LRMDA: variants seen among roughly 807,000 people sequenced by gnomAD.
The protein encoded by LRMDA is leucine-rich melanocyte differentiation-associated protein.
Under a neutral mutation model 29.8 loss-of-function variants are expected in LRMDA, and 18 were observed. That is an observed-to-expected ratio of 0.60 (90% CI 0.42 to 0.90). The LOEUF is 0.90. Ranked by LOEUF, LRMDA falls within the 40% of genes least tolerant of loss-of-function variation. The pLI is 0.00. For synonymous variants in LRMDA, 125 were observed against 109.4 expected (o/e 1.14, Z -0.89); for missense variants, 273 against 273.9 (o/e 1.00, Z 0.02).
rs573206441 is a variant in LRMDA, at chr10:75,886,559, G to T, written c.132-149449G>T. Among the ~76,000 whole-genome samples, 26 of 152,244 alleles carry T rather than the reference G, an allele frequency of 1.7e-4. 1 individual carries two copies. The South Asian group carries it at 5.4e-3, about 32-fold the overall frequency. On this transcript the variant is annotated intron_variant, in intron 2 of 6. Coordinates refer to ENST00000611255, the MANE Select transcript of LRMDA (RefSeq NM_001305581.2). ...ATAATCACATATTTTCTATGTTGTT[G>T]ATTTGAGAAGGACTGAACTAGCTAC... is the stretch of plus-strand genomic sequence containing the variant.
intron 6 of LRMDA, among the ~76,000 whole-genome samples, chr10:76,526,459 T>C (rs541618185): frequency 1.3e-5 from 2 of 152,260 alleles, no homozygotes; most frequent in East Asian, 3.9e-4. Flanking sequence ...GGCATTCGCT[T>C]TTCATTTGTG....
intron 5 of LRMDA, among the ~76,000 whole-genome samples, chr10:76,230,328 G>A (rs1330144761): frequency 6.6e-6 from 1 of 152,062 alleles, no homozygotes; most frequent in Non-Finnish European, 1.5e-5. Flanking sequence ...CTTCATATCT[G>A]AAATAATTGT....
chr10:76,485,018 T>C (rs1422997228), intron 6 of LRMDA, among the ~76,000 whole-genome samples: 1 of 151,906 alleles, frequency 6.6e-6, no homozygotes, highest in Non-Finnish European at 1.5e-5. Context: ...TCAACCTGTT[T>C]CTGTATTTAT....
chr10:76,402,366 T>G (rs1841858347), intron 6 of LRMDA: 1 of 152,182 alleles, frequency 6.6e-6, no homozygotes, highest in African/African-American at 2.4e-5. Context: ...ATTGTTCTTT[T>G]TTTAGAATTA....
intron 6 of LRMDA, among the ~76,000 whole-genome samples, chr10:76,459,436 T>C (rs1207163810): frequency 1.3e-5 from 2 of 152,328 alleles, no homozygotes; most frequent in South Asian, 2.1e-4. Flanking sequence ...CAATCCAAAA[T>C]AGACGCACAG....
chr10:75,897,758 C>A (rs1044243019), intron 2 of LRMDA, among the ~76,000 whole-genome samples: 1 of 147,822 alleles, frequency 6.8e-6, no homozygotes, highest in African/African-American at 2.5e-5. Flanking sequence ...AAAACCTCTT[C>A]TTGGCTTATA....
chr10:76,060,303 A>G (rs1238977133), intron 5 of LRMDA, among the ~76,000 whole-genome samples: 2 of 152,142 alleles, frequency 1.3e-5, no homozygotes, highest in East Asian at 3.8e-4. Flanking sequence ...GCAGCTCTAC[A>G]TTGTCACACA....
At chr10:76,261,150 C>G (rs1021927064) in intron 5 of LRMDA, among the ~76,000 whole-genome samples, 5 of 150,050 alleles carry the variant, frequency 3.3e-5, no homozygotes, top group Non-Finnish European at 7.4e-5. Flanking sequence ...CTGCAAACTC[C>G]ACCTCCTGGG....
intron 6 of LRMDA, among the ~76,000 whole-genome samples, chr10:76,436,908 G>A (rs76963644): frequency 0.027 from 4,046 of 152,062 alleles, 122 homozygotes; most frequent in East Asian, 0.072. Flanking sequence ...AGCCAGTGTC[G>A]CCCACCTTCC....
chr10:76,184,775 A>G (rs906474435), intron 5 of LRMDA, among the ~76,000 whole-genome samples: 1 of 152,136 alleles, frequency 6.6e-6, no homozygotes, highest in African/African-American at 2.4e-5. Flanking sequence ...CTTTTCCCCC[A>G]GTACGTGTAT....
At chr10:76,514,727 C>A (rs1037496738) in intron 6 of LRMDA, among the ~76,000 whole-genome samples, 5 of 152,034 alleles carry the variant, frequency 3.3e-5, no homozygotes, top group East Asian at 1.9e-4. Context: ...AGGAGTGCAG[C>A]CTGAAAACTG....
chr10:75,785,982 G>A (rs1843465582), intron 2 of LRMDA, among the ~76,000 whole-genome samples: 1 of 152,162 alleles, frequency 6.6e-6, no homozygotes, highest in African/African-American at 2.4e-5. Context: ...CACATAATGA[G>A]TAGAATTCAC....
At chr10:76,274,640 G>A (rs1840108720) in intron 5 of LRMDA, among the ~76,000 whole-genome samples, 1 of 152,142 alleles carries the variant, frequency 6.6e-6, no homozygotes, top group Non-Finnish European at 1.5e-5. Context: ...TCTTGTGAGA[G>A]CTGCTTTGCT....
At chr10:75,965,006 T>G (rs1846832997) in intron 2 of LRMDA, among the ~76,000 whole-genome samples, 2 of 152,154 alleles carry the variant, frequency 1.3e-5, no homozygotes, top group African/African-American at 4.8e-5. Context: ...TCTCAAGTGA[T>G]CCACTCAACT....
intron 2 of LRMDA, among the ~76,000 whole-genome samples, chr10:75,910,423 G>A (rs934853082): frequency 1.3e-4 from 20 of 152,326 alleles, no homozygotes; most frequent in African/African-American, 4.8e-4. Flanking sequence ...GGGAAAAATA[G>A]TGGTAGGACA....
intron 2 of LRMDA, among the ~76,000 whole-genome samples, chr10:75,922,383 G>A (rs534782540): frequency 6.6e-5 from 10 of 152,276 alleles, no homozygotes; most frequent in African/African-American, 2.4e-4. Flanking sequence ...TGGACCATGG[G>A]CATAAAGGAA....
intron 5 of LRMDA, among the ~76,000 whole-genome samples, chr10:76,173,639 G>T (rs1850878897): frequency 6.6e-6 from 1 of 152,172 alleles, no homozygotes; most frequent in African/African-American, 2.4e-5. Flanking sequence ...CTGACAAGAA[G>T]AAATAGGTAA....
At chr10:75,450,791 G>A (rs965538656) in intron 2 of LRMDA, 1 of 152,192 alleles carries the variant, frequency 6.6e-6, no homozygotes, top group Non-Finnish European at 1.5e-5. Context: ...TGCATTATTC[G>A]GGCTCGAATG....
chr10:75,925,091 CA>C (rs1416105647), intron 2 of LRMDA, among the ~76,000 whole-genome samples: 1 of 152,208 alleles, frequency 6.6e-6, no homozygotes, highest in Non-Finnish European at 1.5e-5. Context: ...CCAGAGATGA[CA>C]CCAATACCAA....
Sources: allele counts gnomAD v4.1 joint callset (sites outside exome capture counted in the v4.1 genomes callset), GRCh38; gene constraint gnomAD v4.1.1; transcripts MANE v1.5; gene names NCBI Gene and HGNC (gene_info 2026-07-23, HGNC 2026-07-21).